PIAS1: variants seen among roughly 807,000 people sequenced by gnomAD.
PIAS1 encodes the protein protein inhibitor of activated STAT 1.
Under a neutral mutation model 71.3 loss-of-function variants are expected in PIAS1, and 6 were observed. The ratio of observed to expected loss-of-function variants is 0.08; its 90% CI spans 0.05 to 0.17. PIAS1 has a LOEUF of 0.17. PIAS1 is among the 10% of genes least tolerant of loss of function. The pLI, the probability that PIAS1 is intolerant of heterozygous loss-of-function variation, is 1.00. For missense variants in PIAS1, 555 were observed against 793.6 expected (o/e 0.70, Z 3.61); for synonymous variants, 303 against 292.9 (o/e 1.03, Z -0.35).
At chr15:68,127,089 C>A (rs767787787) in intron 2 of PIAS1, among the ~76,000 whole-genome samples, 6 of 151,902 alleles carry the variant, frequency 3.9e-5, no homozygotes, top group Non-Finnish European at 5.9e-5. Flanking sequence ...CCATGCTGGG[C>A]TAATTTTTGT....
chr15:68,158,539 T>G (rs2092905579), intron 7 of PIAS1, among the ~76,000 whole-genome samples: 1 of 152,124 alleles, frequency 6.6e-6, no homozygotes, highest in Admixed American at 6.5e-5. Context: ...TCTACTAGAT[T>G]ATGAGTTCTT....
At chr15:68,106,395 C>CA (rs1213328191) in intron 2 of PIAS1, among the ~76,000 whole-genome samples, 2 of 129,514 alleles carry the variant, frequency 1.5e-5, no homozygotes, top group African/African-American at 5.6e-5. Flanking sequence ...GAAACACAAA[C>CA]AAAAAAACTT....
Position 68,173,619 on chromosome 15 carries a change from A to G in PIAS1, c.1009-113A>G, listed in dbSNP as rs757373320. The G allele has an allele frequency of 1.2e-5, 7 of 568,118 alleles. No homozygotes were observed. The highest frequency in any genetic ancestry group is 2.1e-5 in the Non-Finnish European group (7 of 341,194). 35.2% of individuals were successfully genotyped at this position (568,118 alleles called of 1,614,324 possible). A position where few individuals can be genotyped will look rare whatever the true frequency, so the allele number is the denominator to read the frequency against. On this transcript the variant is annotated intron_variant, in intron 8 of 13. Transcript: ENST00000249636. This position sits in a 1 kb window ranked among gnomAD's most constrained non-coding sequence, Gnocchi z 4.3. The stretch of plus-strand genomic sequence containing the variant: ...GTTCTTCTACATTGATGAAAAGTCA[A>G]CACTGTATGCTTTAAATCAGCATGC...
At chr15:68,079,143 C>T (rs1467011452) in intron 1 of PIAS1, among the ~76,000 whole-genome samples, 1 of 151,340 alleles carries the variant, frequency 6.6e-6, no homozygotes, top group African/African-American at 2.4e-5. Context: ...TCTGTATTTG[C>T]CAGTACCATT....
At chr15:68,114,967 G>A (rs1052060561) in intron 2 of PIAS1, among the ~76,000 whole-genome samples, 1 of 151,954 alleles carries the variant, frequency 6.6e-6, no homozygotes, top group African/African-American at 2.4e-5. Flanking sequence ...CGGGGAGATG[G>A]TGTTACAAAT....
At chr15:68,114,060 A>ACACT (rs1418113926) in intron 2 of PIAS1, among the ~76,000 whole-genome samples, 2 of 60,580 alleles carry the variant, frequency 3.3e-5, no homozygotes, top group African/African-American at 9.9e-5. Flanking sequence ...ACACACACAC[A>ACACT]CTTATATACA....
intron 1 of PIAS1, chr15:68,055,654 G>C (rs140860531): frequency 3.2e-5 from 12 of 372,202 alleles, no homozygotes; most frequent in Non-Finnish European, 5.2e-5. Context: ...CCAGCAGCTG[G>C]TTATGTCTCG....
chr15:68,154,624 G>T (rs2092874672), intron 7 of PIAS1, among the ~76,000 whole-genome samples: 1 of 152,162 alleles, frequency 6.6e-6, no homozygotes, highest in Admixed American at 6.5e-5. Context: ...CAGAGTAAAA[G>T]ATCCCACTAC....
intron 2 of PIAS1, chr15:68,087,747 G>A: frequency 3.2e-6 from 1 of 308,198 alleles, no homozygotes; most frequent in Non-Finnish European, 6.8e-6. Flanking sequence ...GGCAAGTGTT[G>A]AGAACATTTT....
chr15:68,095,578 T>C (rs1291018700), intron 2 of PIAS1, among the ~76,000 whole-genome samples: 1 of 151,290 alleles, frequency 6.6e-6, no homozygotes, highest in Non-Finnish European at 1.5e-5. Flanking sequence ...TCACCCAGGT[T>C]GGAGTGCAGT....
rs919632150 is a variant in PIAS1, at chr15:68,071,415, C to G, written c.25-14891C>G. On this transcript the variant is annotated intron_variant, in intron 1 of 13. Transcript: ENST00000249636. ...TATTTTTAGTAGAGACGGGGTTTCA[C>G]CATGTTGGCCAGGCTGGTCTTGAAC... 2.7e-5 allele frequency among the ~76,000 whole-genome samples: 4 copies of G among 150,752 alleles called. No individual in the cohort carries two copies. In the East Asian group the frequency reaches 7.9e-4, roughly 30 times the overall value.
intron 8 of PIAS1, among the ~76,000 whole-genome samples, chr15:68,170,574 A>C (rs2092985051): frequency 6.6e-6 from 1 of 152,160 alleles, no homozygotes; most frequent in Non-Finnish European, 1.5e-5. Flanking sequence ...TAGACTTTAT[A>C]AACACTGTAC....
At chr15:68,163,037 C>T (rs1422692812) in intron 7 of PIAS1, among the ~76,000 whole-genome samples, 4 of 152,220 alleles carry the variant, frequency 2.6e-5, no homozygotes, top group Non-Finnish European at 5.9e-5. Context: ...CCTTTGGAAA[C>T]ACACTCGCAG....
intron 1 of PIAS1, chr15:68,055,349 C>T: frequency 3.6e-6 from 1 of 276,982 alleles, no homozygotes; most frequent in Non-Finnish European, 5.5e-6. Flanking sequence ...ATAAATAGAA[C>T]GTTCCTCTTA....
intron 1 of PIAS1, chr15:68,057,505 C>T (rs182709174): frequency 4.5e-6 from 2 of 442,076 alleles, no homozygotes; most frequent in Non-Finnish European, 9.0e-6. Flanking sequence ...AGAAGAAGTC[C>T]ATCAGCATTT....
At chr15:68,107,979 A>G (rs1020512227) in intron 2 of PIAS1, among the ~76,000 whole-genome samples, 1 of 152,182 alleles carries the variant, frequency 6.6e-6, no homozygotes, top group African/African-American at 2.4e-5. Flanking sequence ...ACAGTGAGGA[A>G]GAGTTAGAAT....
rs560832895 is a variant in PIAS1 at position 68,183,590 on chromosome 15, T to A, written c.1625-40T>A. The stretch of plus-strand genomic sequence containing the variant: ...TTGGGGCATTTGGAAGAGTTTTTCC[T>A]TCTTTTTTTTTTAAACTGAAATAAT... On this transcript the variant is annotated intron_variant, in intron 12 of 13. Transcript: ENST00000249636. The A allele has an allele frequency of 8.0e-6, 7 of 870,802 alleles. No homozygotes were observed. In the South Asian group the frequency reaches 1.1e-4, roughly 13 times the overall value. 53.9% of individuals were successfully genotyped at this position (870,802 alleles called of 1,614,324 possible).
At chr15:68,102,628 T>C (rs2092436755) in intron 2 of PIAS1, among the ~76,000 whole-genome samples, 1 of 152,190 alleles carries the variant, frequency 6.6e-6, no homozygotes, top group Non-Finnish European at 1.5e-5. Flanking sequence ...TTCATCAGCA[T>C]TTTATAGTTT....
At chr15:68,146,532 T>C (rs1424018712) in intron 5 of PIAS1, 34 bp from the exon 6 acceptor site, 2 of 1,553,666 alleles carry the variant, frequency 1.3e-6, no homozygotes, top group South Asian at 2.3e-5. Flanking sequence ...ATTGTGGAAA[T>C]AATAAGTATA....
Sources: allele counts gnomAD v4.1 joint callset (sites outside exome capture counted in the v4.1 genomes callset), GRCh38; gene constraint gnomAD v4.1.1; non-coding constraint Gnocchi (gnomAD v3.1); transcripts MANE v1.5; gene names NCBI Gene and HGNC (gene_info 2026-07-23, HGNC 2026-07-21).